The following MINDY4B variants were observed in gnomAD, a reference collection of about 807,000 sequenced individuals.
MINDY4B encodes MINDY family member 4B.
In MINDY4B, 25 loss-of-function variants were observed where a neutral mutation model predicts 16.7. The ratio of observed to expected loss-of-function variants is 1.49; its 90% confidence interval spans 1.09 to 2.09. The LOEUF (loss-of-function observed/expected upper bound fraction) is 2.09. Among genes scored for constraint, MINDY4B ranks in the 30% most tolerant of loss-of-function variants. The pLI, the probability that MINDY4B is intolerant of heterozygous loss-of-function variation, is 0.00. For synonymous variants in MINDY4B, 132 were observed against 61.9 expected (o/e 2.13, Z -5.32); for missense variants, 327 against 168.4 (o/e 1.94, Z -5.21).
chr3:150,870,946 T>C lies in MINDY4B; in HGVS notation c.*99A>G. On this transcript the variant is annotated 3_prime_UTR_variant, in exon 12 of 12. Transcript: ENST00000465419. ...TATATATATTTTTTGGTGGGGCTTG[T>C]GAATGAGAAATATGGAAACGATTGG... 2 of 611,068 alleles carry C rather than the reference T, an allele frequency of 3.3e-6. No individual in the cohort carries two copies. The highest frequency in any genetic ancestry group is 3.9e-5 in the South Asian group (2 of 51,300). 37.9% of individuals were successfully genotyped at this position (611,068 alleles called of 1,614,324 possible). A position where few individuals can be genotyped will look rare whatever the true frequency, so the allele number is the denominator to read the frequency against.
intron 3 of MINDY4B, among the ~76,000 whole-genome samples, chr3:150,902,791 G>A (rs1409329122): frequency 1.3e-5 from 2 of 152,176 alleles, no homozygotes; most frequent in Non-Finnish European, 2.9e-5. Flanking sequence ...CCAGAAAACT[G>A]TTTCTTTCTT....
chr3:150,883,108 A>G (rs1711548760), intron 9 of MINDY4B, 50 bp from the exon 10 acceptor site: 2 of 577,246 alleles, frequency 3.5e-6, no homozygotes, highest in South Asian at 2.1e-5. Flanking sequence ...CAATGAAACA[A>G]TAACTTAATT....
intron 3 of MINDY4B, among the ~76,000 whole-genome samples, chr3:150,900,460 C>T (rs1176890182): frequency 6.6e-6 from 1 of 152,178 alleles, no homozygotes; most frequent in Non-Finnish European, 1.5e-5. Flanking sequence ...CAGGTGGCTG[C>T]ACTGCTGAAA....
intron 3 of MINDY4B, among the ~76,000 whole-genome samples, chr3:150,900,320 G>A (rs953052883): frequency 1.3e-5 from 2 of 152,242 alleles, no homozygotes; most frequent in Non-Finnish European, 2.9e-5. Flanking sequence ...TCCCAGCAAA[G>A]AGACAGTGTG....
At chr3:150,887,123 A>G (rs913290557) in intron 7 of MINDY4B, among the ~76,000 whole-genome samples, 3 of 152,240 alleles carry the variant, frequency 2.0e-5, no homozygotes, top group South Asian at 2.1e-4. Context: ...TTTGGGTGTC[A>G]TTATTAAGTA....
Position 150,885,277 on chromosome 3 carries a change from T to C in MINDY4B, c.824+91A>G, listed in dbSNP as rs998355460. The C allele has an allele frequency of 6.1e-6, 4 of 655,014 alleles. No individual in the cohort carries two copies. In the African/African-American group the frequency reaches 7.3e-5, roughly 12 times the overall value. The allele number at this position is 655,014 out of a possible 1,614,324, so 40.6% of individuals were successfully genotyped here. The stretch of plus-strand genomic sequence containing the variant: ...TAGAAAAAAACATTGCATTCATGTT[T>C]CCAATATGGAGATTTTTCAATACAA... On this transcript the variant is annotated intron_variant, in intron 8 of 11. Coordinates refer to ENST00000465419, the MANE Select transcript of MINDY4B (RefSeq NM_001351281.2).
chr3:150,885,032 A>G (rs1711588165), intron 8 of MINDY4B, among the ~76,000 whole-genome samples: 1 of 152,228 alleles, frequency 6.6e-6, no homozygotes, highest in Admixed American at 6.5e-5. Flanking sequence ...TACATATTTG[A>G]GGATATACCT....
intron 7 of MINDY4B, among the ~76,000 whole-genome samples, chr3:150,889,975 T>A (rs1026637771): frequency 1.3e-5 from 2 of 152,172 alleles, no homozygotes; most frequent in African/African-American, 4.8e-5. Context: ...AAGAACCTTA[T>A]TTTATTTTAT....
chr3:150,885,109 C>T (rs1711589135), intron 8 of MINDY4B, among the ~76,000 whole-genome samples: 1 of 152,136 alleles, frequency 6.6e-6, no homozygotes. Context: ...TTGGTGTTGT[C>T]CACCAATATT....
intron 10 of MINDY4B, among the ~76,000 whole-genome samples, chr3:150,881,315 C>T (rs7636139): frequency 0.018 from 2,684 of 151,732 alleles, 87 homozygotes; most frequent in African/African-American, 0.061. Flanking sequence ...ACCCAGGAGG[C>T]GGAGGTTGCA....
At chr3:150,900,403 A>G (rs1328663763) in intron 3 of MINDY4B, among the ~76,000 whole-genome samples, 1 of 152,184 alleles carries the variant, frequency 6.6e-6, no homozygotes, top group African/African-American at 2.4e-5. Flanking sequence ...ATGACAACAA[A>G]AGGATTTCTG....
Position 150,870,979 on chromosome 3 carries a change from C to T in MINDY4B, c.*66G>A. ...AAATATGGAAACGATTGGTCTCCCC[C>T]ACATTAGGCTTTTGCATCCCAGCAG... On this transcript the variant is annotated 3_prime_UTR_variant, in exon 12 of 12. Transcript: ENST00000465419. 1.5e-6 allele frequency: 1 copy of T among 657,128 alleles called. No homozygotes were observed. 40.7% of individuals were successfully genotyped at this position (657,128 alleles called of 1,614,324 possible). A position where few individuals can be genotyped will look rare whatever the true frequency, so the allele number is the denominator to read the frequency against.
intron 8 of MINDY4B, 104 bp from the exon 9 acceptor site, chr3:150,883,876 C>T (rs1711565564): frequency 7.6e-6 from 5 of 654,272 alleles, no homozygotes; most frequent in Admixed American, 2.3e-5. Context: ...ACGGGCTCTC[C>T]TAGTCACTGT....
At chr3:150,878,895 G>C (rs1486500584) in intron 10 of MINDY4B, among the ~76,000 whole-genome samples, 1 of 152,136 alleles carries the variant, frequency 6.6e-6, no homozygotes, top group Admixed American at 6.5e-5. Context: ...AGTTCTATTG[G>C]TCTGAGCAGA....
chr3:150,887,019 T>A (rs1711639657), intron 7 of MINDY4B, among the ~76,000 whole-genome samples: 1 of 152,186 alleles, frequency 6.6e-6, no homozygotes. Context: ...TACATACCTA[T>A]GAAAAAGTTT....
At chr3:150,884,198 C>T (rs1254830821) in intron 8 of MINDY4B, among the ~76,000 whole-genome samples, 3 of 152,140 alleles carry the variant, frequency 2.0e-5, no homozygotes, top group Non-Finnish European at 4.4e-5. Flanking sequence ...TGGCTGAGCC[C>T]GTTTCTTGGC....
At chr3:150,894,851 C>T (rs1235320603) in intron 3 of MINDY4B, among the ~76,000 whole-genome samples, 1 of 152,160 alleles carries the variant, frequency 6.6e-6, no homozygotes, top group Non-Finnish European at 1.5e-5. Flanking sequence ...ACTGATTGAT[C>T]ATTTAGCATG....
At position 150,901,764 on chromosome 3, in the gene MINDY4B, C is replaced by T. The variant is rs150780022; in HGVS notation, c.309+1485G>A. Among the ~76,000 whole-genome samples the T allele has an allele frequency of 3.8e-3, 579 of 152,072 alleles. 1 individual carries two copies. The highest frequency in any genetic ancestry group is 6.8e-3 in the Middle Eastern group (2 of 294). Reference sequence around the variant, plus strand: ...TTGAACTCCTGGCCTGAAGCAATCCCCCTGCCTCAGCCTCCCAAAGTGCTG... The same window carrying T: ...TTGAACTCCTGGCCTGAAGCAATCCTCCTGCCTCAGCCTCCCAAAGTGCTG... On this transcript the variant is annotated intron_variant, in intron 3 of 11. Coordinates refer to ENST00000465419, the MANE Select transcript of MINDY4B (RefSeq NM_001351281.2).
chr3:150,887,225 G>A (rs781187747), intron 7 of MINDY4B, among the ~76,000 whole-genome samples: 10 of 152,154 alleles, frequency 6.6e-5, no homozygotes, highest in Non-Finnish European at 1.0e-4. Flanking sequence ...GGTATGGAGC[G>A]TCTACAGTGT....
Sources: gnomAD v4.1 joint callset for allele counts (sites outside exome capture counted in the v4.1 genomes callset) on GRCh38, gnomAD v4.1.1 for gene constraint, MANE v1.5 for transcripts, NCBI Gene and HGNC (gene_info 2026-07-23, HGNC 2026-07-21) for gene names.